The following MED15 variants were observed in gnomAD, a reference collection of about 807,000 sequenced individuals.
MED15 encodes mediator of RNA polymerase II transcription subunit 15.
A neutral mutation model predicts 118.7 loss-of-function variants in MED15; 41 were observed. The observed-to-expected ratio is 0.35, with a 90% CI of 0.27 to 0.45. The LOEUF (loss-of-function observed/expected upper bound fraction) is 0.45. MED15 is among the 20% of genes least tolerant of loss of function. MED15 has a pLI of 1.00. For synonymous variants in MED15, 436 were observed against 413.9 expected, an observed-to-expected ratio of 1.05 and a Z score of -0.65; for missense variants, 740 against 1,025.5, an observed-to-expected ratio of 0.72 and a Z score of 3.80.
At chr22:20,521,127 C>T (rs932900333) in intron 1 of MED15, among the ~76,000 whole-genome samples, 2 of 115,666 alleles carry the variant, frequency 1.7e-5, no homozygotes, top group Non-Finnish European at 3.3e-5. Flanking sequence ...GATGGAGTCT[C>T]ACTCTGTTAC....
intron 2 of MED15, among the ~76,000 whole-genome samples, chr22:20,537,605 A>G (rs775702970): frequency 1.3e-5 from 2 of 152,236 alleles, no homozygotes; most frequent in Non-Finnish European, 2.9e-5. Flanking sequence ...GCATGGGCCC[A>G]GAAGCATTCC....
intron 8 of MED15, among the ~76,000 whole-genome samples, chr22:20,571,093 G>A (rs1361751488): frequency 6.6e-6 from 1 of 152,184 alleles, no homozygotes; most frequent in East Asian, 1.9e-4. Context: ...CTTGGTATTT[G>A]GAAAGTGAAT....
At chr22:20,524,339 C>G (rs2054558981) in intron 1 of MED15, 3 of 152,324 alleles carry the variant, frequency 2.0e-5, no homozygotes, top group Admixed American at 6.5e-5. Context: ...GGGATGCCAC[C>G]CTGTAGCTGT....
At chr22:20,578,970 C>T (rs1192109325) in intron 9 of MED15, among the ~76,000 whole-genome samples, 3 of 152,230 alleles carry the variant, frequency 2.0e-5, no homozygotes, top group Non-Finnish European at 4.4e-5. Flanking sequence ...CTCACGGACT[C>T]AGGCTACCAG....
chr22:20,529,802 G>T (rs573762562), intron 1 of MED15, among the ~76,000 whole-genome samples: 1 of 152,038 alleles, frequency 6.6e-6, no homozygotes, highest in Admixed American at 6.5e-5. Context: ...ATGTTGGCCA[G>T]TCTGGTCTCG....
intron 1 of MED15, among the ~76,000 whole-genome samples, chr22:20,510,865 A>T (rs960018651): frequency 3.3e-5 from 5 of 152,160 alleles, no homozygotes; most frequent in Non-Finnish European, 7.4e-5. Context: ...TTGACATGTA[A>T]TGTAGCATAT....
chr22:20,514,155 C>T (rs183834496), intron 1 of MED15, among the ~76,000 whole-genome samples: 49 of 152,266 alleles, frequency 3.2e-4, no homozygotes, highest in African/African-American at 1.1e-3. Flanking sequence ...TGTGAGCCAC[C>T]GTGCTTGCCT....
At chr22:20,530,089 T>C (rs1340634249) in intron 1 of MED15, among the ~76,000 whole-genome samples, 6 of 152,126 alleles carry the variant, frequency 3.9e-5, no homozygotes. Flanking sequence ...GTGACATGCT[T>C]AGGAAACCAT....
intron 1 of MED15, among the ~76,000 whole-genome samples, chr22:20,517,446 C>A (rs2054293098): frequency 6.6e-6 from 1 of 152,190 alleles, no homozygotes; most frequent in Non-Finnish European, 1.5e-5. Context: ...CCTAAAAGAT[C>A]CTTCCTTTTC....
rs115805201 is a variant in MED15, at chr22:20,518,228, C to T, written c.68+10482C>T. On this transcript the variant is annotated intron_variant, in intron 1 of 17. Transcript: ENST00000263205. ...TGTTTGAGATGGAGTCTCGCCCTGT[C>T]GCCCAGGCTTGCGTGCCTGGTGACT... Among the ~76,000 whole-genome samples, 937 of 152,300 alleles carry T rather than the reference C, an allele frequency of 6.2e-3. 10 individuals carry two copies. Among genetic ancestry groups the T allele is most frequent in the African/African-American group, 0.021 (890 of 41,554 alleles).
In MED15 at chr22:20,585,801, G is replaced by A. The variant is rs1231771106; in HGVS notation, c.2205G>A (p.Leu735=). Residue 735 remains leucine, a synonymous_variant, in exon 17 of 18, where the codon CTG becomes CTA. Coordinates refer to ENST00000263205, the MANE Select transcript of MED15 (RefSeq NM_001003891.3). The part of the protein sequence containing the change: ...VPADYPAQSP[L]WIDRQWQYDA... ...CTGACTATCCTGCCCAAAGCCCGCTGTGGATAGACCGGCAGTGGCAGTACG... is the reference window on the plus strand; with the variant it reads ...CTGACTATCCTGCCCAAAGCCCGCTATGGATAGACCGGCAGTGGCAGTACG... 6.2e-7 allele frequency: 1 copy of A among 1,613,276 alleles called. No homozygotes were observed.
intron 2 of MED15, among the ~76,000 whole-genome samples, chr22:20,538,666 A>T (rs1325328621): frequency 1.3e-5 from 2 of 152,130 alleles, no homozygotes; most frequent in Non-Finnish European, 2.9e-5. Context: ...GGAATTTTCC[A>T]TATAAATATA....
intron 7 of MED15, among the ~76,000 whole-genome samples, chr22:20,567,581 G>A (rs1569231764): frequency 6.6e-6 from 1 of 152,210 alleles, no homozygotes; most frequent in Non-Finnish European, 1.5e-5. Flanking sequence ...TCTGTCACCT[G>A]GGAGTCGACA....
chr22:20,513,379 A>C (rs2054145622), intron 1 of MED15, among the ~76,000 whole-genome samples: 1 of 151,370 alleles, frequency 6.6e-6, no homozygotes, highest in Non-Finnish European at 1.5e-5. Flanking sequence ...TCCCGGGTTC[A>C]AGCAGTTCTC....
At chr22:20,566,108 C>T (rs2056429599) in intron 6 of MED15, among the ~76,000 whole-genome samples, 2 of 145,736 alleles carry the variant, frequency 1.4e-5, no homozygotes, top group Admixed American at 1.4e-4. Context: ...GGTGTGATCT[C>T]GGCTCACTGC....
intron 2 of MED15, among the ~76,000 whole-genome samples, chr22:20,548,426 A>C (rs2055639555): frequency 6.6e-6 from 1 of 152,118 alleles, no homozygotes; most frequent in Admixed American, 6.5e-5. Context: ...TGGCCTCCCA[A>C]AGTGCTGGGA....
chr22:20,587,596 T>C lies in MED15; in HGVS notation c.*892T>C. The C allele has an allele frequency of 2.1e-6, 1 of 481,726 alleles. No individual in the cohort carries two copies. The highest frequency in any genetic ancestry group is 3.3e-6 in the Non-Finnish European group (1 of 299,318). The allele number at this position is 481,726 out of a possible 1,614,324, so 29.8% of individuals were successfully genotyped here. On this transcript the variant is annotated 3_prime_UTR_variant, in exon 18 of 18. Coordinates refer to ENST00000263205, the MANE Select transcript of MED15 (RefSeq NM_001003891.3). ...TGCACTACCCCACCATCTGTGATTA[T>C]AATAAATTTATTATTCCTGTGTTTG...
intron 9 of MED15, among the ~76,000 whole-genome samples, chr22:20,576,216 C>T (rs1453099506): frequency 2.6e-5 from 4 of 152,176 alleles, no homozygotes; most frequent in Non-Finnish European, 4.4e-5. Context: ...GTGGGTTTGT[C>T]GTGAAAACAT....
intron 1 of MED15, chr22:20,522,984 T>TG (rs2146378887): frequency 6.6e-6 from 1 of 152,350 alleles, no homozygotes; most frequent in African/African-American, 2.4e-5. Context: ...TCAGGACTTG[T>TG]GGGTGTAGTA....
Sources: gnomAD v4.1 joint callset for allele counts (sites outside exome capture counted in the v4.1 genomes callset) on GRCh38, gnomAD v4.1.1 for gene constraint, MANE v1.5 for transcripts, NCBI Gene and HGNC (gene_info 2026-07-23, HGNC 2026-07-21) for gene names.